GALR2: variants seen among roughly 807,000 people sequenced by gnomAD.
GALR2 encodes the protein galanin receptor type 2.
Under a neutral mutation model 7.2 loss-of-function variants are expected in GALR2, and 5 were observed. The ratio of observed to expected loss-of-function variants is 0.69; its 90% CI spans 0.36 to 1.45. GALR2 has a LOEUF of 1.45. Ranked by LOEUF, GALR2 falls within the 40% of genes most tolerant of loss-of-function variation. GALR2 has a pLI of 0.03. For missense variants in GALR2, 561 were observed against 555.7 expected, an observed-to-expected ratio of 1.01 and a Z score of -0.10; for synonymous variants, 300 against 263.9, an observed-to-expected ratio of 1.14 and a Z score of -1.32.
upstream of GALR2, chr17:76,072,630 T>C (rs899800903): frequency 7.0e-7 from 1 of 1,429,118 alleles, no homozygotes; most frequent in Non-Finnish European, 9.1e-7. This position sits in a 1 kb window ranked among gnomAD's most constrained non-coding sequence, Gnocchi z 4.5. Flanking sequence ...CAGGGCGCCA[T>C]GTGCTGGAGC....
upstream of GALR2, among the ~76,000 whole-genome samples, chr17:76,073,126 A>G (rs2066869184): frequency 6.6e-6 from 1 of 152,112 alleles, no homozygotes; most frequent in South Asian, 2.1e-4. Context: ...GGAAAATATG[A>G]ATTTTTGCTT....
At position 76,075,045 on chromosome 17, in the gene GALR2, C is replaced by T. The variant is rs2066881662; in HGVS notation, c.162C>T (p.Gly54=). The T allele has an allele frequency of 1.2e-6, 2 of 1,611,158 alleles. No homozygotes were observed. The highest frequency in any genetic ancestry group is 1.7e-6 in the Non-Finnish European group (2 of 1,179,978). ...TLVLAVLLRG[G]QAVSTTNLFI... ...TGCTGGCGGTGCTGCTGCGCGGCGG[C>T]CAGGCGGTCAGCACTACCAACCTGT... The change falls in exon 1 of 2, where the codon GGC becomes GGT. Residue 54 remains glycine, a synonymous_variant. Transcript: ENST00000329003. This position sits in a 1 kb window ranked among gnomAD's most constrained non-coding sequence, Gnocchi z 5.9.
upstream of GALR2, chr17:76,072,679 T>C: frequency 8.1e-7 from 1 of 1,227,146 alleles, no homozygotes; most frequent in Non-Finnish European, 1.1e-6. The surrounding 1 kb of genome is among the most constrained non-coding windows in gnomAD (Gnocchi z 4.5). Flanking sequence ...GGGTCCGGAA[T>C]TGTGGCTGGC....
upstream of GALR2, chr17:76,072,687 G>A: frequency 4.5e-6 from 5 of 1,113,200 alleles, no homozygotes; most frequent in Non-Finnish European, 6.1e-6. This position sits in a 1 kb window ranked among gnomAD's most constrained non-coding sequence, Gnocchi z 4.5. Flanking sequence ...AATTGTGGCT[G>A]GCTAGGTGGG....
chr17:76,073,640 G>C (rs1364964607), upstream of GALR2, among the ~76,000 whole-genome samples: 1 of 144,928 alleles, frequency 6.9e-6, no homozygotes, highest in Admixed American at 7.0e-5. Context: ...ATAAGGTCAG[G>C]AGAAAAAGAA....
chr17:76,076,988 G>T lies in GALR2; in HGVS notation c.721G>T (p.Val241Leu), dbSNP rs190734697. Residue 241 changes from valine (V) to leucine (L), a missense_variant, in exon 2 of 2, where the codon GTG becomes TTG. Transcript: ENST00000329003. The surrounding 1 kb of genome is among the most constrained non-coding windows in gnomAD (Gnocchi z 6.5). Reference sequence around the variant, plus strand: ...CAAGGTGACACGCATGATCCTCATCGTGGCCGCGCTCTTCTGCCTCTGCTG... The same window carrying T: ...CAAGGTGACACGCATGATCCTCATCTTGGCCGCGCTCTTCTGCCTCTGCTG... The part of the protein sequence containing the change: ...KRKVTRMILI[V>L]AALFCLCWMP... 2.5e-6 allele frequency: 4 copies of T among 1,608,654 alleles called. No individual in the cohort carries two copies. Among genetic ancestry groups the T allele is most frequent in the Non-Finnish European group, 3.4e-6 (4 of 1,179,782 alleles).
At chr17:76,074,764 TC>T, upstream of GALR2, 1 of 1,141,948 alleles carries the variant, frequency 8.8e-7, no homozygotes, top group Non-Finnish European at 1.2e-6. This position sits in a 1 kb window ranked among gnomAD's most constrained non-coding sequence, Gnocchi z 6.7. Flanking sequence ...CAAGGCTCCC[TC>T]CGCCTTCAGC....
At position 76,076,109 on chromosome 17, in the gene GALR2, A is replaced by C. The variant is rs1248616232; in HGVS notation, c.369-527A>C. Among the ~76,000 whole-genome samples the C allele has an allele frequency of 6.6e-6, 1 of 152,238 alleles. No individual in the cohort carries two copies. The highest frequency in any genetic ancestry group is 1.5e-5 in the Non-Finnish European group (1 of 68,026). On this transcript the variant is annotated intron_variant, in intron 1 of 1. Coordinates refer to ENST00000329003, the MANE Select transcript of GALR2 (RefSeq NM_003857.4). This position sits in a 1 kb window ranked among gnomAD's most constrained non-coding sequence, Gnocchi z 6.5. Reference sequence around the variant, plus strand: ...CACCTCCTGTAGCCACTGAGCGCGAAGTGCGTTGGTTCCGAGCGCGCTGGT... The same window carrying C: ...CACCTCCTGTAGCCACTGAGCGCGACGTGCGTTGGTTCCGAGCGCGCTGGT...
chr17:76,077,219 G>T lies in GALR2; in HGVS notation c.952G>T (p.Ala318Ser), dbSNP rs760968262. ...AGLLGRAPGRASGRVCAAARG... is the reference protein window; with the variant it reads ...AGLLGRAPGRSSGRVCAAARG... ...CCTGCTGGGCCGTGCCCCAGGCCGA[G>T]CCTCGGGCCGTGTGTGCGCTGCCGC... is the stretch of plus-strand genomic sequence containing the variant. Residue 318 changes from alanine (A) to serine (S), a missense_variant, in exon 2 of 2, where the codon GCC becomes TCC. Transcript: ENST00000329003. 9 of 1,607,172 alleles carry T rather than the reference G, an allele frequency of 5.6e-6. No homozygotes were observed. The South Asian group carries it at 9.9e-5, about 18-fold the overall frequency.
chr17:76,077,509 A>G lies in GALR2; in HGVS notation c.*78A>G. ...GACCGTGGGGAGAGCTTTGCCTGTTAATAAAACGCACAAACCATTTCACAC... is the reference window on the plus strand; with the variant it reads ...GACCGTGGGGAGAGCTTTGCCTGTTGATAAAACGCACAAACCATTTCACAC... On this transcript the variant is annotated 3_prime_UTR_variant, in exon 2 of 2. Transcript: ENST00000329003. The G allele has an allele frequency of 8.1e-7, 1 of 1,237,560 alleles. No individual in the cohort carries two copies. The highest frequency in any genetic ancestry group is 1.6e-5 in the South Asian group (1 of 63,296). 76.7% of individuals were successfully genotyped at this position (1,237,560 alleles called of 1,614,324 possible).
At position 76,076,850 on chromosome 17, in the gene GALR2, A is replaced by C. The variant is rs148596206; in HGVS notation, c.583A>C (p.Ser195Arg). Reference sequence around the variant, plus strand: ...CATGGACATCTGCACCTTCGTCTTCAGCTACCTGCTTCCTGTGCTGGTTCT... The same window carrying C: ...CATGGACATCTGCACCTTCGTCTTCCGCTACCTGCTTCCTGTGCTGGTTCT... The part of the protein sequence containing the change: ...RAMDICTFVF[S>R]YLLPVLVLGL... The change falls in exon 2 of 2, where the codon AGC becomes CGC. Residue 195 changes from serine (S) to arginine (R), a missense_variant. Physicochemically the swap from Ser to Arg is moderately radical, Grantham distance 110. Coordinates refer to ENST00000329003, the MANE Select transcript of GALR2 (RefSeq NM_003857.4). The surrounding 1 kb of genome is among the most constrained non-coding windows in gnomAD (Gnocchi z 6.5). 102 of 1,604,878 alleles carry C rather than the reference A, an allele frequency of 6.4e-5. No homozygotes were observed. The African/African-American group carries it at 1.1e-3, about 18-fold the overall frequency.
In GALR2 at chr17:76,076,946, G is replaced by C. The variant is rs766898366; in HGVS notation, c.679G>C (p.Ala227Pro). The C allele has an allele frequency of 6.2e-7, 1 of 1,602,192 alleles. No individual in the cohort carries two copies. Among genetic ancestry groups the C allele is most frequent in the Non-Finnish European group, 8.5e-7 (1 of 1,178,430 alleles). ...CGACCCGGTGGCCGCGGGCTCGGGT[G>C]CCCGGCGCGCCAAGCGCAAGGTGAC... ...AVDPVAAGSGARRAKRKVTRM... is the reference protein window; with the variant it reads ...AVDPVAAGSGPRRAKRKVTRM... The change falls in exon 2 of 2, where the codon GCC becomes CCC. Residue 227 changes from alanine to proline, a missense_variant. Physicochemically the swap from Ala to Pro is conservative, Grantham distance 27. Transcript: ENST00000329003. The surrounding 1 kb of genome is among the most constrained non-coding windows in gnomAD (Gnocchi z 6.5).
chr17:76,072,201 C>T (rs2066858358), upstream of GALR2: 1 of 1,575,190 alleles, frequency 6.3e-7, no homozygotes, highest in African/African-American at 1.4e-5. The surrounding 1 kb of genome is among the most constrained non-coding windows in gnomAD (Gnocchi z 4.5). Context: ...AACTGCAACC[C>T]TCGGCCTCTC....
Position 76,077,446 on chromosome 17 carries a change from C to G in GALR2, c.*15C>G, listed in dbSNP as rs769344371. ...ATGTGGCCTGAAAGCACTTAGCGGGCGCGCTGGGATGTCACAGAGTTGGAG... is the reference window on the plus strand; with the variant it reads ...ATGTGGCCTGAAAGCACTTAGCGGGGGCGCTGGGATGTCACAGAGTTGGAG... On this transcript the variant is annotated 3_prime_UTR_variant, in exon 2 of 2. Coordinates refer to ENST00000329003, the MANE Select transcript of GALR2 (RefSeq NM_003857.4). The G allele has an allele frequency of 8.3e-6, 12 of 1,441,428 alleles. No individual in the cohort carries two copies. The highest frequency in any genetic ancestry group is 1.0e-5 in the Non-Finnish European group (11 of 1,102,740). 89.3% of individuals were successfully genotyped at this position (1,441,428 alleles called of 1,614,324 possible). A position where few individuals can be genotyped will look rare whatever the true frequency, so the allele number is the denominator to read the frequency against.
Position 76,076,604 on chromosome 17 carries a change from A to C in GALR2, c.369-32A>C. On this transcript the variant is annotated intron_variant, in intron 1 of 1. Transcript: ENST00000329003. This position sits in a 1 kb window ranked among gnomAD's most constrained non-coding sequence, Gnocchi z 6.5. ...CCCTCCAGCATGAATGTGCCCGCTC[A>C]GCCGACGTCTCCCTTCCCGGTCTGA... is the stretch of plus-strand genomic sequence containing the variant. The C allele has an allele frequency of 2.0e-6, 3 of 1,485,262 alleles. No homozygotes were observed. Among genetic ancestry groups the C allele is most frequent in the Non-Finnish European group, 1.8e-6 (2 of 1,097,532 alleles). 92.0% of individuals were successfully genotyped at this position (1,485,262 alleles called of 1,614,324 possible). A position where few individuals can be genotyped will look rare whatever the true frequency, so the allele number is the denominator to read the frequency against.
chr17:76,072,157 G>A (rs983396464), upstream of GALR2: 2 of 1,236,398 alleles, frequency 1.6e-6, no homozygotes, highest in Non-Finnish European at 2.2e-6. The surrounding 1 kb of genome is among the most constrained non-coding windows in gnomAD (Gnocchi z 4.5). Flanking sequence ...GACCCCCCCC[G>A]GAATTCTGAG....
upstream of GALR2, chr17:76,072,648 C>T (rs1275024183): frequency 1.5e-6 from 2 of 1,369,682 alleles, no homozygotes; most frequent in South Asian, 3.1e-5. This position sits in a 1 kb window ranked among gnomAD's most constrained non-coding sequence, Gnocchi z 4.5. Flanking sequence ...AGCGCGCCTG[C>T]GCGAGGGATC....
chr17:76,073,857 A>G (rs1192246960), upstream of GALR2, among the ~76,000 whole-genome samples: 1 of 151,882 alleles, frequency 6.6e-6, no homozygotes, highest in East Asian at 2.0e-4. Context: ...AGAGAAGGGA[A>G]AAAGGTGGCC....
In GALR2 at chr17:76,077,198, C is replaced by A; in HGVS notation, c.931C>A (p.Leu311Met). ...KGFRTICAGL[L>M]GRAPGRASGR... is the part of the protein sequence containing the mutation. ...CTTCCGCACGATCTGCGCGGGCCTG[C>A]TGGGCCGTGCCCCAGGCCGAGCCTC... is the stretch of plus-strand genomic sequence containing the variant. Residue 311 changes from leucine (L) to methionine (M), a missense_variant, in exon 2 of 2, where the codon CTG becomes ATG. Physicochemically the swap from Leu to Met is conservative, Grantham distance 15 (BLOSUM62 2). Coordinates refer to ENST00000329003, the MANE Select transcript of GALR2 (RefSeq NM_003857.4). 1 of 1,609,374 alleles carries A rather than the reference C, an allele frequency of 6.2e-7. No individual in the cohort carries two copies. Among genetic ancestry groups the A allele is most frequent in the Non-Finnish European group, 8.5e-7 (1 of 1,178,566 alleles).
Sources: allele counts gnomAD v4.1 joint callset (sites outside exome capture counted in the v4.1 genomes callset), GRCh38; gene constraint gnomAD v4.1.1; non-coding constraint Gnocchi (gnomAD v3.1); transcripts MANE v1.5; gene names NCBI Gene and HGNC (gene_info 2026-07-23, HGNC 2026-07-21).